The following PYGB variants were observed in gnomAD, a reference collection of about 807,000 sequenced individuals.
The protein encoded by PYGB is glycogen phosphorylase, brain form.
In PYGB, 82 loss-of-function variants were observed where a neutral mutation model predicts 94.3. The ratio of observed to expected loss-of-function variants is 0.87; its 90% confidence interval spans 0.73 to 1.04. The LOEUF (loss-of-function observed/expected upper bound fraction) is 1.04, where lower values mean the gene tolerates loss of function less well. Ranked by LOEUF, PYGB falls within the 50% of genes least tolerant of loss-of-function variation. The pLI is 0.00. For synonymous variants in PYGB, 488 were observed against 479.1 expected (o/e 1.02, Z -0.24); for missense variants, 1,132 against 1,158.2 (o/e 0.98, Z 0.33).
At chr20:25,276,978 T>C (rs563951048) in intron 6 of PYGB, among the ~76,000 whole-genome samples, 1 of 152,040 alleles carries the variant, frequency 6.6e-6, no homozygotes, top group East Asian at 1.9e-4. Flanking sequence ...CCAAGACACC[T>C]GGGCCCTGGG....
In PYGB at chr20:25,278,455, C is replaced by T. The variant is rs1423410585; in HGVS notation, c.992C>T (p.Pro331Leu). Residue 331 changes from proline (P) to leucine (L), a missense_variant, in exon 8 of 20, where the codon CCA becomes CTA. Physicochemically the swap from Pro to Leu is moderately conservative, Grantham distance 98. Transcript: ENST00000216962. ...DPVRTCFETFPDKVAIQLNDT... is the reference protein window; with the variant it reads ...DPVRTCFETFLDKVAIQLNDT... ...GTGAGAACCTGTTTCGAGACGTTCC[C>T]AGACAAGGTGCATGGTGGCCCTGGG... The T allele has an allele frequency of 6.2e-7, 1 of 1,614,130 alleles. No individual in the cohort carries two copies.
intron 15 of PYGB, among the ~76,000 whole-genome samples, chr20:25,289,199 C>T (rs542041721): frequency 2.7e-4 from 41 of 152,346 alleles, no homozygotes; most frequent in African/African-American, 7.7e-4. Flanking sequence ...CTCTGGGCTC[C>T]GCCACCTCCT....
chr20:25,293,887 C>A (rs2088498972), intron 17 of PYGB: 1 of 496,440 alleles, frequency 2.0e-6, no homozygotes, highest in Non-Finnish European at 3.7e-6. Flanking sequence ...GCCACTATGT[C>A]CTAGCAGATC....
chr20:25,296,716 G>GT lies in PYGB; in HGVS notation c.*197dup. On this transcript the variant is annotated 3_prime_UTR_variant, in exon 20 of 20. Coordinates refer to ENST00000216962, the MANE Select transcript of PYGB (RefSeq NM_002862.4). ...AAGGAATGTGCTAGAAGTGCTCCTAGTTTCTTGTAAAGGAAGCCAGAGTTG... is the reference window on the plus strand; with the variant it reads ...AAGGAATGTGCTAGAAGTGCTCCTAGTTTTCTTGTAAAGGAAGCCAGAGTTG... 1.3e-6 allele frequency: 1 copy of GT among 746,716 alleles called. No homozygotes were observed. Among genetic ancestry groups the GT allele is most frequent in the Non-Finnish European group, 2.1e-6 (1 of 479,710 alleles). 46.3% of individuals were successfully genotyped at this position (746,716 alleles called of 1,614,324 possible).
intron 4 of PYGB, among the ~76,000 whole-genome samples, chr20:25,273,370 G>A (rs572918957): frequency 3.9e-4 from 60 of 151,920 alleles, no homozygotes; most frequent in Non-Finnish European, 6.9e-4. Flanking sequence ...GGAGGGGCCT[G>A]CTGTGCGGAG....
intron 2 of PYGB, 125 bp from the exon 3 acceptor site, chr20:25,269,004 C>G (rs2088242829): frequency 1.3e-6 from 1 of 775,794 alleles, no homozygotes; most frequent in Non-Finnish European, 2.2e-6. Context: ...ATTGAATTTT[C>G]AAGTCTAACA....
chr20:25,293,224 T>C (rs1223877113), intron 17 of PYGB, among the ~76,000 whole-genome samples: 1 of 151,940 alleles, frequency 6.6e-6, no homozygotes, highest in Non-Finnish European at 1.5e-5. Flanking sequence ...ATCCACCTTA[T>C]CCCCGCGCCC....
intron 4 of PYGB, among the ~76,000 whole-genome samples, chr20:25,274,277 G>A (rs1195919471): frequency 2.0e-5 from 3 of 152,180 alleles, no homozygotes; most frequent in East Asian, 3.8e-4. Context: ...TGGTATTTTT[G>A]TCTGTCCTCT....
intron 1 of PYGB, among the ~76,000 whole-genome samples, chr20:25,254,688 T>C (rs1318775802): frequency 6.6e-6 from 1 of 152,230 alleles, no homozygotes; most frequent in Non-Finnish European, 1.5e-5. Flanking sequence ...TCACTAGGTA[T>C]AAATATAGTT....
chr20:25,279,014 G>C, intron 8 of PYGB, 43 bp from the exon 9 acceptor site: 2 of 1,574,052 alleles, frequency 1.3e-6, no homozygotes, highest in African/African-American at 2.7e-5. Flanking sequence ...GGGTGCCCAC[G>C]TGGGATGAAA....
chr20:25,292,400 CCA>C lies in PYGB; in HGVS notation c.1970-3_1970-2del, dbSNP rs750267390. Reference sequence around the variant, plus strand: ...AGTGATCCCCTCCACGGGCTCCCCTCCACAGTGATCCCGGCCGCTGATCTGTC... The same window carrying C: ...AGTGATCCCCTCCACGGGCTCCCCTCCAGTGATCCCGGCCGCTGATCTGTC... On this transcript the variant is annotated splice_region_variant and splice_polypyrimidine_tract_variant and intron_variant, in intron 16 of 19. Transcript: ENST00000216962. 4.7e-5 allele frequency: 76 copies of C among 1,612,524 alleles called. No homozygotes were observed. Among genetic ancestry groups the C allele is most frequent in the Non-Finnish European group, 6.3e-5 (74 of 1,179,928 alleles).
chr20:25,283,785 C>T (rs1178700852), intron 13 of PYGB, among the ~76,000 whole-genome samples: 1 of 152,180 alleles, frequency 6.6e-6, no homozygotes, highest in African/African-American at 2.4e-5. Context: ...CCTTGTAGTC[C>T]TTTCAGCCGT....
intron 1 of PYGB, among the ~76,000 whole-genome samples, chr20:25,250,744 G>T (rs1407774379): frequency 6.6e-6 from 1 of 152,140 alleles, no homozygotes; most frequent in Non-Finnish European, 1.5e-5. Flanking sequence ...GCAGACTGTG[G>T]TAATGTGACA....
chr20:25,287,174 G>A (rs897526879), intron 14 of PYGB, among the ~76,000 whole-genome samples: 3 of 152,200 alleles, frequency 2.0e-5, no homozygotes, highest in African/African-American at 7.2e-5. Flanking sequence ...TGAGCCGGCC[G>A]TCATGGCTTG....
chr20:25,287,996 A>G (rs762657176), intron 14 of PYGB, among the ~76,000 whole-genome samples: 1 of 152,156 alleles, frequency 6.6e-6, no homozygotes, highest in Non-Finnish European at 1.5e-5. Context: ...ACAAAACCAA[A>G]CAAAACCCAC....
rs759015843 is a variant in PYGB, at chr20:25,276,738, C to T, written c.753C>T (p.Asn251=). The part of the protein sequence containing the change: ...TMRLWSAKAP[N]DFKLQDFNVG... ...GGCTGTGGTCCGCCAAGGCTCCCAACGACTTCAAGCTGCAGGACTGTACGT... is the reference window on the plus strand; with the variant it reads ...GGCTGTGGTCCGCCAAGGCTCCCAATGACTTCAAGCTGCAGGACTGTACGT... The change falls in exon 6 of 20, where the codon AAC becomes AAT. Residue 251 remains asparagine, a synonymous_variant. Transcript: ENST00000216962. 1.1e-5 allele frequency: 17 copies of T among 1,613,806 alleles called. No individual in the cohort carries two copies. The East Asian group carries it at 1.1e-4, about 11-fold the overall frequency.
intron 2 of PYGB, among the ~76,000 whole-genome samples, chr20:25,268,184 T>C (rs1568687658): frequency 1.3e-5 from 1 of 79,170 alleles, no homozygotes; most frequent in Non-Finnish European, 2.2e-5. Flanking sequence ...ATCCAAAATA[T>C]TGTTGGTGGA....
chr20:25,280,951 C>T lies in PYGB; in HGVS notation c.1242C>T (p.His414=), dbSNP rs190796467. 2.7e-4 allele frequency: 443 copies of T among 1,613,694 alleles called. 2 individuals carry two copies. The highest frequency in any genetic ancestry group is 7.8e-4 in the Admixed American group (47 of 60,004). The change falls in exon 11 of 20, where the codon CAC becomes CAT. Residue 414 remains histidine, a splice_region_variant and synonymous_variant. Coordinates refer to ENST00000216962, the MANE Select transcript of PYGB (RefSeq NM_002862.4). ...IYAINQRHLD[H]VAALFPGDVD... ...CTGCCTCTGTGTTTTGGCACCAGCA[C>T]GTGGCCGCGCTGTTTCCCGGCGATG...
At chr20:25,278,086 A>G (rs1469251136) in intron 7 of PYGB, among the ~76,000 whole-genome samples, 3 of 135,468 alleles carry the variant, frequency 2.2e-5, no homozygotes, top group Non-Finnish European at 3.2e-5. Flanking sequence ...GCTCCTGAGC[A>G]GCGCTGGCAC....
Sources: gnomAD v4.1 joint callset for allele counts (sites outside exome capture counted in the v4.1 genomes callset) on GRCh38, gnomAD v4.1.1 for gene constraint, MANE v1.5 for transcripts, NCBI Gene and HGNC (gene_info 2026-07-23, HGNC 2026-07-21) for gene names.